GLYATL1: variants seen among roughly 807,000 people sequenced by gnomAD.
The protein encoded by GLYATL1 is glycine N-acyltransferase-like protein 1.
A neutral mutation model predicts 20.0 loss-of-function variants in GLYATL1; 15 were observed. That is an observed-to-expected ratio of 0.75 (90% CI 0.50 to 1.15). The LOEUF (loss-of-function observed/expected upper bound fraction) is 1.15. GLYATL1 is among the 50% of genes most tolerant of loss of function. The pLI is 0.00. For synonymous variants in GLYATL1, 151 were observed against 131.5 expected (o/e 1.15, Z -1.01); for missense variants, 380 against 368.5 (o/e 1.03, Z -0.26).
intron 1 of GLYATL1, among the ~76,000 whole-genome samples, chr11:58,918,557 G>A (rs749636307): frequency 2.6e-5 from 4 of 152,164 alleles, no homozygotes; most frequent in Non-Finnish European, 4.4e-5. Flanking sequence ...GCATAGATAT[G>A]GTTGCCATCA....
chr11:58,923,286 C>T (rs1314276345), upstream of GLYATL1, among the ~76,000 whole-genome samples: 1 of 152,170 alleles, frequency 6.6e-6, no homozygotes, highest in African/African-American at 2.4e-5. Flanking sequence ...AGAGGGAAAA[C>T]AAACTACGTG....
chr11:58,907,398 C>T (rs551619571), exon 2 of GLYATL1: 32 of 456,236 alleles, frequency 7.0e-5, no homozygotes, highest in East Asian at 3.5e-4. Flanking sequence ...GAATTTAGGA[C>T]GCATCTCAGT....
At chr11:58,951,354 A>G (rs2135254063) in intron 4 of GLYATL1, among the ~76,000 whole-genome samples, 1 of 152,210 alleles carries the variant, frequency 6.6e-6, no homozygotes, top group South Asian at 2.1e-4. Flanking sequence ...AACATGTTAT[A>G]TATTTTTGTA....
intron 1 of GLYATL1, among the ~76,000 whole-genome samples, chr11:58,915,784 G>T (rs895318506): frequency 6.6e-6 from 1 of 152,132 alleles, no homozygotes; most frequent in Admixed American, 6.5e-5. Context: ...TGCTGGAACT[G>T]GGCATCCGTT....
chr11:58,943,226 G>A (rs1856297386), intron 1 of GLYATL1: 2 of 1,467,110 alleles, frequency 1.4e-6, no homozygotes, highest in Non-Finnish European at 9.0e-7. Context: ...TAATTTAGTA[G>A]TGTGCACCTG....
Position 58,956,330 on chromosome 11 carries a change from T to C in GLYATL1, c.*303T>C, listed in dbSNP as rs1857417743. On this transcript the variant is annotated 3_prime_UTR_variant, in exon 7 of 7. Coordinates refer to ENST00000532726, the MANE Select transcript of GLYATL1 (RefSeq NM_001389712.2). ...TTCTTACCTCTGGGAATCAGAACTCTTTATGCAACTTGGTTAATAGAATCT... is the reference window on the plus strand; with the variant it reads ...TTCTTACCTCTGGGAATCAGAACTCCTTATGCAACTTGGTTAATAGAATCT... 1 of 337,080 alleles carries C rather than the reference T, an allele frequency of 3.0e-6. No homozygotes were observed. The highest frequency in any genetic ancestry group is 5.4e-6 in the Non-Finnish European group (1 of 185,228). 20.9% of individuals were successfully genotyped at this position (337,080 alleles called of 1,614,324 possible).
intron 3 of GLYATL1, 149 bp downstream of exon 3, chr11:58,947,314 G>A: frequency 9.0e-7 from 1 of 1,109,404 alleles, no homozygotes. Flanking sequence ...TGCATATCAA[G>A]AGCTGCTGCT....
intron 1 of GLYATL1, among the ~76,000 whole-genome samples, chr11:58,940,424 G>A (rs890844289): frequency 3.9e-5 from 6 of 152,136 alleles, no homozygotes; most frequent in Non-Finnish European, 5.9e-5. Flanking sequence ...GGATCTTTGG[G>A]TGTATGTATG....
chr11:58,918,943 G>T (rs1454876672), intron 1 of GLYATL1, among the ~76,000 whole-genome samples: 1 of 152,170 alleles, frequency 6.6e-6, no homozygotes, highest in Non-Finnish European at 1.5e-5. Flanking sequence ...CACTTGTCCT[G>T]GGCTGCTAGT....
At chr11:58,952,541 G>C (rs542700022) in intron 4 of GLYATL1, among the ~76,000 whole-genome samples, 1 of 152,156 alleles carries the variant, frequency 6.6e-6, no homozygotes, top group African/African-American at 2.4e-5. Flanking sequence ...ATCTGATTTT[G>C]GCTACATTTT....
At chr11:58,906,049 A>T (rs755720256) in intron 1 of GLYATL1, among the ~76,000 whole-genome samples, 2 of 152,068 alleles carry the variant, frequency 1.3e-5, no homozygotes, top group African/African-American at 2.4e-5. Flanking sequence ...TCTTCCCAAC[A>T]CCTGCGAATC....
At chr11:58,953,755 C>T (rs1377039123) in intron 4 of GLYATL1, among the ~76,000 whole-genome samples, 2 of 152,174 alleles carry the variant, frequency 1.3e-5, no homozygotes, top group Admixed American at 1.3e-4. Flanking sequence ...TTTATAAAAG[C>T]ACCCTGAAAT....
At position 58,956,160 on chromosome 11, in the gene GLYATL1, C is replaced by A. The variant is rs757671910; in HGVS notation, c.*133C>A. On this transcript the variant is annotated 3_prime_UTR_variant, in exon 7 of 7. Coordinates refer to ENST00000532726, the MANE Select transcript of GLYATL1 (RefSeq NM_001389712.2). ...AGCAGGAACTCTTCTCACCTGGAGC[C>A]TTGATGTTAAAAGACACAGCCATGC... The A allele has an allele frequency of 1.3e-5, 10 of 790,864 alleles. No homozygotes were observed. The highest frequency in any genetic ancestry group is 2.0e-5 in the Non-Finnish European group (10 of 502,270). 49.0% of individuals were successfully genotyped at this position (790,864 alleles called of 1,614,324 possible).
At chr11:58,913,010 G>A (rs1055351885), downstream of GLYATL1, among the ~76,000 whole-genome samples, 4 of 152,192 alleles carry the variant, frequency 2.6e-5, no homozygotes, top group Non-Finnish European at 5.9e-5. Flanking sequence ...CCAATGGAAG[G>A]CCATACAGAA....
chr11:58,949,123 C>A (rs978568575), intron 4 of GLYATL1, among the ~76,000 whole-genome samples: 1 of 152,152 alleles, frequency 6.6e-6, no homozygotes, highest in African/African-American at 2.4e-5. Context: ...GTAATACAAA[C>A]CTAGGTGTAT....
At chr11:58,913,570 G>A (rs561996224), downstream of GLYATL1, among the ~76,000 whole-genome samples, 8 of 152,224 alleles carry the variant, frequency 5.3e-5, no homozygotes, top group South Asian at 1.0e-3. Context: ...TATGTCACAG[G>A]CACCAAGGAT....
downstream of GLYATL1, among the ~76,000 whole-genome samples, chr11:58,912,863 C>T (rs1000473620): frequency 6.6e-6 from 1 of 152,166 alleles, no homozygotes; most frequent in Non-Finnish European, 1.5e-5. Flanking sequence ...AATAGATTAT[C>T]CAGGAAACAC....
At chr11:58,909,939 A>G (rs999262332), downstream of GLYATL1, among the ~76,000 whole-genome samples, 3 of 152,100 alleles carry the variant, frequency 2.0e-5, no homozygotes, top group Non-Finnish European at 4.4e-5. Flanking sequence ...TTTTCATATT[A>G]TTCCCTGGCT....
intron 1 of GLYATL1, among the ~76,000 whole-genome samples, chr11:58,929,203 T>G (rs2135129430): frequency 6.6e-6 from 1 of 152,326 alleles, no homozygotes; most frequent in African/African-American, 2.4e-5. Context: ...TGGGAATGCA[T>G]TCAGTCCTAT....
Sources: gnomAD v4.1 joint callset for allele counts (sites outside exome capture counted in the v4.1 genomes callset) on GRCh38, gnomAD v4.1.1 for gene constraint, MANE v1.5 for transcripts, NCBI Gene and HGNC (gene_info 2026-07-23, HGNC 2026-07-21) for gene names.